POLR3C: variants seen among roughly 807,000 people sequenced by gnomAD.
POLR3C encodes RNA polymerase III subunit C.
In POLR3C, 44 loss-of-function variants were observed where a neutral mutation model predicts 65.9. The observed-to-expected ratio is 0.67, with a 90% CI of 0.52 to 0.86. The LOEUF (loss-of-function observed/expected upper bound fraction) is 0.86, where lower values mean the gene tolerates loss of function less well. POLR3C is among the 40% of genes least tolerant of loss of function. The pLI is 0.00. For synonymous variants in POLR3C, 263 were observed against 231.6 expected, an observed-to-expected ratio of 1.14 and a Z score of -1.23; for missense variants, 576 against 653.2, an observed-to-expected ratio of 0.88 and a Z score of 1.29.
Position 145,833,270 on chromosome 1 carries a change from A to G in POLR3C, c.689A>G (p.Asp230Gly), listed in dbSNP as rs782687083. 6.2e-7 allele frequency: 1 copy of G among 1,604,720 alleles called. No individual in the cohort carries two copies. The highest frequency in any genetic ancestry group is 8.5e-7 in the Non-Finnish European group (1 of 1,171,814). Reference protein sequence around the residue: ...YTTDNKEPIPDDGIYWQANLD... With the variant: ...YTTDNKEPIPGDGIYWQANLD... ...AAATCTTTTCCTCAGCCCATTCCAG[A>G]TGATGGGATTTATTGGCAGGCCAAC... Residue 230 changes from aspartate to glycine, a missense_variant, in exon 6 of 15, where the codon GAT becomes GGT. Transcript: ENST00000334163.
rs111839449 is a variant in POLR3C, at chr1:145,832,261, G to A, written c.679-999G>A. ...CAGTACAATAGTGGAAATGGGTTGC[G>A]TAAATCTAGGTAGAGATACAACTGA... is the stretch of plus-strand genomic sequence containing the variant. On this transcript the variant is annotated intron_variant, in intron 5 of 14. Transcript: ENST00000334163. Among the ~76,000 whole-genome samples, 1,011 of 152,316 alleles carry A rather than the reference G, an allele frequency of 6.6e-3. 12 individuals are homozygous for A. Among genetic ancestry groups the A allele is most frequent in the African/African-American group, 0.022 (925 of 41,558 alleles).
intron 1 of POLR3C, among the ~76,000 whole-genome samples, 158 bp from the exon 2 acceptor site, chr1:145,825,599 A>G (rs934992286): frequency 9.9e-5 from 15 of 152,202 alleles, no homozygotes; most frequent in South Asian, 2.1e-4. Flanking sequence ...ACAATATCCA[A>G]AAAGAAATTG....
In POLR3C at chr1:145,844,395, GAAAC is replaced by G. The variant is rs782622422; in HGVS notation, c.*1979_*1982del. ...TGTTAAGTAAAATAAACCAAGCACA[GAAAC>G]AAATATTGCATGTTCTGTCTCACAT... On this transcript the variant is annotated 3_prime_UTR_variant, in exon 15 of 15. Coordinates refer to ENST00000334163, the MANE Select transcript of POLR3C (RefSeq NM_006468.8). Among the ~76,000 whole-genome samples, 7 of 152,176 alleles carry G rather than the reference GAAAC, an allele frequency of 4.6e-5. No individual in the cohort carries two copies. Among genetic ancestry groups the G allele is most frequent in the Non-Finnish European group, 8.8e-5 (6 of 68,030 alleles).
At chr1:145,837,042 A>G (rs1651908549) in intron 9 of POLR3C, among the ~76,000 whole-genome samples, 176 bp downstream of exon 9, 1 of 152,216 alleles carries the variant, frequency 6.6e-6, no homozygotes, top group African/African-American at 2.4e-5. Context: ...GATGAAGTAA[A>G]AAGAGGCCAG....
At chr1:145,840,237 A>G (rs1322122634) in intron 13 of POLR3C, 72 bp downstream of exon 13, 1 of 927,118 alleles carries the variant, frequency 1.1e-6, no homozygotes, top group Non-Finnish European at 1.8e-6. Flanking sequence ...TTCCTCTAGA[A>G]ATAGGAATCA....
intron 9 of POLR3C, among the ~76,000 whole-genome samples, chr1:145,837,311 A>ATTTTC (rs1651930805): frequency 6.6e-6 from 1 of 152,218 alleles, no homozygotes; most frequent in Non-Finnish European, 1.5e-5. Context: ...AAGAAAAGGA[A>ATTTTC]AAAGGACTTT....
intron 14 of POLR3C, among the ~76,000 whole-genome samples, 162 bp downstream of exon 14, chr1:145,841,233 C>G (rs1652266118): frequency 6.6e-6 from 1 of 152,216 alleles, no homozygotes; most frequent in South Asian, 2.1e-4. Flanking sequence ...ACTAGCAATT[C>G]TGAAGATGTT....
At chr1:145,826,409 A>G (rs1553725727) in intron 2 of POLR3C, 45 bp from the exon 3 acceptor site, 1 of 1,594,242 alleles carries the variant, frequency 6.3e-7, no homozygotes, top group Non-Finnish European at 8.6e-7. Context: ...AATGAGCTAT[A>G]TCTTCAGGTC....
chr1:145,824,626 C>A (rs1487058768), intron 1 of POLR3C: 2 of 769,880 alleles, frequency 2.6e-6, no homozygotes, highest in African/African-American at 1.8e-5. Context: ...AATAAGTAAA[C>A]AATGTTTGGT....
chr1:145,832,486 A>G (rs1651419695), intron 5 of POLR3C, among the ~76,000 whole-genome samples: 1 of 152,178 alleles, frequency 6.6e-6, no homozygotes, highest in Non-Finnish European at 1.5e-5. Context: ...AGAGAGTAAG[A>G]TTTGGAATAC....
At chr1:145,831,317 C>G (rs1204998954) in intron 5 of POLR3C, among the ~76,000 whole-genome samples, 1 of 151,884 alleles carries the variant, frequency 6.6e-6, no homozygotes, top group Non-Finnish European at 1.5e-5. Context: ...GAGTTCGAGA[C>G]CAGCCTGGCC....
chr1:145,824,538 G>A (rs782091093), intron 1 of POLR3C, 169 bp downstream of exon 1: 1 of 1,290,288 alleles, frequency 7.8e-7, no homozygotes, highest in South Asian at 1.2e-5. Flanking sequence ...TATGTGGATG[G>A]ACGAAATAGG....
In POLR3C at chr1:145,826,561, G is replaced by T; in HGVS notation, c.255G>T (p.Met85Ile). Reference sequence around the variant, plus strand: ...CCCAGTGCAGCCGGGTATTGCGAATGCTTAGATATCCCCGGTACATCTATA... The same window carrying T: ...CCCAGTGCAGCCGGGTATTGCGAATTCTTAGATATCCCCGGTACATCTATA... ...YEAQCSRVLR[M>I]LRYPRYIYTT... Residue 85 changes from methionine (M) to isoleucine (I), a missense_variant, in exon 3 of 15, where the codon ATG becomes ATT. Coordinates refer to ENST00000334163, the MANE Select transcript of POLR3C (RefSeq NM_006468.8). The T allele has an allele frequency of 3.1e-6, 5 of 1,614,082 alleles. No homozygotes were observed. The highest frequency in any genetic ancestry group is 4.2e-6 in the Non-Finnish European group (5 of 1,180,006).
At position 145,840,981 on chromosome 1, in the gene POLR3C, G is replaced by A. The variant is rs1553730379; in HGVS notation, c.1433G>A (p.Gly478Asp). The A allele has an allele frequency of 6.2e-7, 1 of 1,612,672 alleles. No homozygotes were observed. The highest frequency in any genetic ancestry group is 8.5e-7 in the Non-Finnish European group (1 of 1,178,812). ...EAIIASMQATGAEEAQLQEIE... is the reference protein window; with the variant it reads ...EAIIASMQATDAEEAQLQEIE... ...ATCATTGCATCTATGCAGGCTACTG[G>A]TGCAGAGGAAGCACAGTTACAAGAA... The change falls in exon 14 of 15, where the codon GGT (glycine) becomes GAT (aspartate). Residue 478 changes from glycine (G) to aspartate (D), a missense_variant. Physicochemically the swap from Gly to Asp is moderately conservative, Grantham distance 94 (BLOSUM62 -1). Transcript: ENST00000334163.
At chr1:145,830,652 A>G (rs1289044071) in intron 5 of POLR3C, among the ~76,000 whole-genome samples, 1 of 151,934 alleles carries the variant, frequency 6.6e-6, no homozygotes, top group Non-Finnish European at 1.5e-5. Context: ...TACAAAAATT[A>G]ACCGGCCATG....
At chr1:145,824,774 C>A (rs1314290378) in intron 1 of POLR3C, among the ~76,000 whole-genome samples, 3 of 152,150 alleles carry the variant, frequency 2.0e-5, no homozygotes, top group Admixed American at 2.0e-4. Flanking sequence ...TTGACACACC[C>A]TGTTGAGAAG....
intron 5 of POLR3C, among the ~76,000 whole-genome samples, chr1:145,829,149 A>C (rs1300923467): frequency 6.6e-6 from 1 of 152,204 alleles, no homozygotes; most frequent in African/African-American, 2.4e-5. Flanking sequence ...TCTAAAAACT[A>C]TACATAGGCC....
Position 145,839,935 on chromosome 1 carries a change from T to A in POLR3C, c.1267T>A (p.Leu423Ile), listed in dbSNP as rs781949343. 1 of 1,612,230 alleles carries A rather than the reference T, an allele frequency of 6.2e-7. No homozygotes were observed. Among genetic ancestry groups the A allele is most frequent in the Admixed American group, 1.7e-5 (1 of 60,006 alleles). The change falls in exon 12 of 15, where the codon TTA (leucine) becomes ATA (isoleucine). Residue 423 changes from leucine (L) to isoleucine (I), a missense_variant. Coordinates refer to ENST00000334163, the MANE Select transcript of POLR3C (RefSeq NM_006468.8). The part of the protein sequence containing the change: ...PDHAPSRTFY[L>I]YTVNILSAAR... ...CCATGCCCCATCCAGGACCTTCTAT[T>A]TATATACTGTGAACATCCTGTCAGC...
intron 9 of POLR3C, 114 bp from the exon 10 acceptor site, chr1:145,837,422 G>T: frequency 1.8e-6 from 1 of 560,992 alleles, no homozygotes; most frequent in South Asian, 2.9e-5. Context: ...ATTATAACAT[G>T]AAAAACAAAA....
Sources: gnomAD v4.1 joint callset for allele counts (sites outside exome capture counted in the v4.1 genomes callset) on GRCh38, gnomAD v4.1.1 for gene constraint, MANE v1.5 for transcripts, NCBI Gene and HGNC (gene_info 2026-07-23, HGNC 2026-07-21) for gene names.